The following HOXD3 variants were observed in gnomAD, a reference collection of about 807,000 sequenced individuals.
The protein encoded by HOXD3 is homeobox D3.
A neutral mutation model predicts 32.8 loss-of-function variants in HOXD3; 13 were observed. The ratio of observed to expected loss-of-function variants is 0.40; its 90% CI spans 0.26 to 0.63. The LOEUF is 0.63. Among genes scored for constraint, HOXD3 ranks in the 20% least tolerant of loss-of-function variants. The probability of loss-of-function intolerance (pLI) is 0.44; values close to 1 mark genes in which losing one functional copy is unlikely to be tolerated. For missense variants in HOXD3, 504 were observed against 577.1 expected, an observed-to-expected ratio of 0.87 and a Z score of 1.30; for synonymous variants, 241 against 246.8, an observed-to-expected ratio of 0.98 and a Z score of 0.22.
rs1691108587 is a variant in HOXD3, at chr2:176,169,631, CAGA to C, written c.522_524del (p.Lys174del). ...GAAAGAGTCTCGACAGAACTCCAAG[CAGA>C]AGAACAGCTGTGCCACTGCAGGTAG... is the stretch of plus-strand genomic sequence containing the variant. On this transcript the variant is annotated inframe_deletion, in exon 3 of 4. Transcript: ENST00000683222. 3.7e-6 allele frequency: 6 copies of C among 1,604,930 alleles called. No homozygotes were observed. The highest frequency in any genetic ancestry group is 4.3e-6 in the Non-Finnish European group (5 of 1,174,674).
At chr2:176,168,852 C>A (rs190965208) in intron 2 of HOXD3, among the ~76,000 whole-genome samples, 179 bp from the exon 3 acceptor site, 1 of 152,268 alleles carries the variant, frequency 6.6e-6, no homozygotes, top group Admixed American at 6.5e-5. Context: ...CCAGCCTGGG[C>A]AACAAGCAAG....
chr2:176,168,485 T>G (rs2105449229), intron 2 of HOXD3, among the ~76,000 whole-genome samples: 1 of 152,258 alleles, frequency 6.6e-6, no homozygotes, highest in Admixed American at 6.5e-5. Context: ...GGAGAATTGC[T>G]TGAACCCAGA....
chr2:176,169,031 G>T lies in HOXD3; in HGVS notation c.-84G>T. The stretch of plus-strand genomic sequence containing the variant: ...GGGCCTCTTGCTTTTCTTCTGACAG[G>T]TCACCTGGAGCCTGGGGGCCGGCCC... On this transcript the variant is annotated splice_region_variant and 5_prime_UTR_variant, in exon 3 of 4. Coordinates refer to ENST00000683222, the MANE Select transcript of HOXD3 (RefSeq NM_006898.5). 1 of 1,503,616 alleles carries T rather than the reference G, an allele frequency of 6.7e-7. No individual in the cohort carries two copies. Among genetic ancestry groups the T allele is most frequent in the Non-Finnish European group, 8.9e-7 (1 of 1,128,056 alleles). 93.1% of individuals were successfully genotyped at this position (1,503,616 alleles called of 1,614,324 possible). A position where few individuals can be genotyped will look rare whatever the true frequency, so the allele number is the denominator to read the frequency against.
chr2:176,165,472 C>A (rs967331518), intron 2 of HOXD3: 6 of 152,254 alleles, frequency 3.9e-5, no homozygotes, highest in African/African-American at 1.4e-4. Context: ...ACCTTCCTTC[C>A]GGCAGGAGAC....
At chr2:176,161,676 T>G (rs547829443) in intron 1 of HOXD3, among the ~76,000 whole-genome samples, 1 of 152,234 alleles carries the variant, frequency 6.6e-6, no homozygotes, top group Non-Finnish European at 1.5e-5. Flanking sequence ...AAAACGCTAC[T>G]GAGCTTTTCC....
intron 1 of HOXD3, among the ~76,000 whole-genome samples, chr2:176,160,565 A>G (rs1022314491): frequency 1.3e-5 from 2 of 152,140 alleles, no homozygotes; most frequent in Admixed American, 6.5e-5. Flanking sequence ...GTGGCGTGAA[A>G]GTTTCAGCCT....
At chr2:176,152,932 C>G (rs770567235), upstream of HOXD3, 3 of 1,614,024 alleles carry the variant, frequency 1.9e-6, no homozygotes, top group Non-Finnish European at 2.5e-6. This position sits in a 1 kb window ranked among gnomAD's most constrained non-coding sequence, Gnocchi z 5.2. Flanking sequence ...ACGGACCTGA[C>G]GACCTTATAG....
At chr2:176,152,945 G>T (rs1201325545), upstream of HOXD3, 3 of 1,613,972 alleles carry the variant, frequency 1.9e-6, no homozygotes, top group Middle Eastern at 1.6e-4. This position sits in a 1 kb window ranked among gnomAD's most constrained non-coding sequence, Gnocchi z 5.2. Context: ...CCTTATAGAA[G>T]TGGGGACCCT....
rs1281457605 is a variant in HOXD3, at chr2:176,169,417, G to T, written c.303G>T (p.Gly101=). The T allele has an allele frequency of 6.2e-6, 10 of 1,613,532 alleles. No individual in the cohort carries two copies. The highest frequency in any genetic ancestry group is 1.3e-5 in the African/African-American group (1 of 74,848). ...CGGGCACTGGGAACAGCCAGGGTGG[G>T]GGTGGTGGCAGCCAGCCTCCTGGTC... The part of the protein sequence containing the change: ...MRPGTGNSQG[G]GGGSQPPGLN... The change falls in exon 3 of 4, where the codon GGG becomes GGT. Residue 101 remains glycine, a synonymous_variant. Transcript: ENST00000683222.
intron 1 of HOXD3, among the ~76,000 whole-genome samples, chr2:176,163,783 T>C (rs750808467): frequency 1.8e-4 from 28 of 152,108 alleles, no homozygotes; most frequent in Non-Finnish European, 3.1e-4. Flanking sequence ...GGAGAGCAGA[T>C]TGGCTTCCCT....
Position 176,171,929 on chromosome 2 carries a change from A to G in HOXD3, c.954A>G (p.Pro318=). The change falls in exon 4 of 4, where the codon CCA becomes CCG. Residue 318 remains proline, a synonymous_variant. Transcript: ENST00000683222. ...ACGGCCTGGCCGCCTACACGGCGCC[A>G]CTCAGCAGCTGCCTGCCACAACAGA... ...NMYGLAAYTA[P]LSSCLPQQKR... 4 of 1,610,210 alleles carry G rather than the reference A, an allele frequency of 2.5e-6. No homozygotes were observed. Among genetic ancestry groups the G allele is most frequent in the South Asian group, 1.1e-5 (1 of 90,908 alleles).
chr2:176,159,742 G>T (rs1285961067), intron 1 of HOXD3, among the ~76,000 whole-genome samples: 1 of 152,156 alleles, frequency 6.6e-6, no homozygotes, highest in Non-Finnish European at 1.5e-5. Context: ...AAGTTTCATT[G>T]TCCCCCAGGT....
At chr2:176,171,214 A>T (rs563875089) in intron 3 of HOXD3, among the ~76,000 whole-genome samples, 1 of 152,110 alleles carries the variant, frequency 6.6e-6, no homozygotes, top group South Asian at 2.1e-4. Flanking sequence ...AAACTCTTTC[A>T]TGGCCTTTGG....
upstream of HOXD3, among the ~76,000 whole-genome samples, chr2:176,154,205 A>G (rs1489970483): frequency 6.6e-6 from 1 of 152,198 alleles, no homozygotes; most frequent in Non-Finnish European, 1.5e-5. Context: ...AATTTGTAAA[A>G]GTATAAAAGT....
At chr2:176,161,209 G>A (rs898401957) in intron 1 of HOXD3, 1 of 152,222 alleles carries the variant, frequency 6.6e-6, no homozygotes, top group South Asian at 2.1e-4. Context: ...GAGGCAGCCC[G>A]CGTAGACCTA....
At chr2:176,171,292 C>G (rs1436834947) in intron 3 of HOXD3, among the ~76,000 whole-genome samples, 1 of 152,102 alleles carries the variant, frequency 6.6e-6, no homozygotes, top group Non-Finnish European at 1.5e-5. Flanking sequence ...TCTCAGAAGG[C>G]TGATGGAGGT....
chr2:176,154,073 A>C (rs1690597697), upstream of HOXD3, among the ~76,000 whole-genome samples: 1 of 152,118 alleles, frequency 6.6e-6, no homozygotes. Flanking sequence ...GAAAAAAAAA[A>C]AACCCTAATT....
intron 1 of HOXD3, among the ~76,000 whole-genome samples, chr2:176,161,665 T>C (rs558196778): frequency 9.2e-5 from 14 of 152,310 alleles, no homozygotes; most frequent in Admixed American, 9.1e-4. Context: ...CTTGGGAGAT[T>C]AAAACGCTAC....
At chr2:176,166,037 G>A (rs1690961689) in intron 2 of HOXD3, among the ~76,000 whole-genome samples, 1 of 152,146 alleles carries the variant, frequency 6.6e-6, no homozygotes, top group African/African-American at 2.4e-5. Context: ...GCATTTTTGG[G>A]GGACTGCAAA....
Sources: gnomAD v4.1 joint callset for allele counts (sites outside exome capture counted in the v4.1 genomes callset) on GRCh38, gnomAD v4.1.1 for gene constraint, Gnocchi (gnomAD v3.1) non-coding constraint, MANE v1.5 for transcripts, NCBI Gene and HGNC (gene_info 2026-07-23, HGNC 2026-07-21) for gene names.